GPHN: variants seen among roughly 807,000 people sequenced by gnomAD.
GPHN encodes gephyrin.
A neutral mutation model predicts 95.5 loss-of-function variants in GPHN; 17 were observed. That is an observed-to-expected ratio of 0.18 (90% confidence interval 0.12 to 0.27). GPHN has a LOEUF of 0.27. GPHN is among the 10% of genes least tolerant of loss of function. The pLI is 1.00. For synonymous variants in GPHN, 320 were observed against 322.5 expected (o/e 0.99, Z 0.08); for missense variants, 660 against 978.1 (o/e 0.67, Z 4.34).
chr14:66,917,143 C>T (rs186167184), intron 6 of GPHN, among the ~76,000 whole-genome samples: 163 of 152,324 alleles, frequency 1.1e-3, no homozygotes, highest in Middle Eastern at 3.4e-3. Context: ...AAGTGCATTT[C>T]TTCCTCAGGC....
the GPHN span, among the ~76,000 whole-genome samples, chr14:67,695,249 AG>A: frequency 1.3e-5 from 2 of 152,188 alleles, no homozygotes; most frequent in African/African-American, 4.8e-5. Context: ...TGTACCTCGA[AG>A]GCTGGTTTAA....
chr14:67,193,763 G>A, the GPHN span, among the ~76,000 whole-genome samples: 157 of 137,200 alleles, frequency 1.1e-3, no homozygotes, highest in African/African-American at 3.9e-3. Flanking sequence ...GGCAACACAG[G>A]AAGACCCAAT....
At chr14:66,997,570 C>T (rs1159987425) in intron 9 of GPHN, among the ~76,000 whole-genome samples, 2 of 152,090 alleles carry the variant, frequency 1.3e-5, no homozygotes. Flanking sequence ...AAAGATAGTA[C>T]TGTTTAAAAT....
Position 66,875,788 on chromosome 14 carries a change from C to G in GPHN, c.295-4151C>G, listed in dbSNP as rs1231344265. Among the ~76,000 whole-genome samples, 4 of 152,176 alleles carry G rather than the reference C, an allele frequency of 2.6e-5. No individual in the cohort carries two copies. In the East Asian group the frequency reaches 7.7e-4, roughly 29 times the overall value. The stretch of plus-strand genomic sequence containing the variant: ...GAGACCTGCAAAGAGACTTAGACTC[C>G]CACACAATAATAGTGGGAGACTTTA... On this transcript the variant is annotated intron_variant, in intron 4 of 22. Coordinates refer to ENST00000478722, the MANE Select transcript of GPHN (RefSeq NM_020806.5).
chr14:67,557,398 G>C, the GPHN span: 7 of 1,613,600 alleles, frequency 4.3e-6, no homozygotes, highest in South Asian at 5.5e-5. Flanking sequence ...CAGCCAGCTA[G>C]AGGCTCAGCT....
the GPHN span, among the ~76,000 whole-genome samples, chr14:67,445,279 T>A: frequency 6.6e-6 from 1 of 151,942 alleles, no homozygotes; most frequent in Non-Finnish European, 1.5e-5. Flanking sequence ...CAGGCAAAAG[T>A]GTGGGTGTCC....
At chr14:67,201,635 T>G in the GPHN span, 1 of 427,130 alleles carries the variant, frequency 2.3e-6, no homozygotes, top group African/African-American at 2.0e-5. Context: ...GAACCACCAC[T>G]ACCCATTTAA....
intron 1 of GPHN, among the ~76,000 whole-genome samples, chr14:66,518,228 A>G (rs1594794207): frequency 2.0e-5 from 3 of 152,260 alleles, no homozygotes; most frequent in East Asian, 1.9e-4. Context: ...CAAAAAATAC[A>G]TTAAACAATG....
At chr14:67,656,333 C>G in the GPHN span, 1 of 1,318,918 alleles carries the variant, frequency 7.6e-7, no homozygotes, top group East Asian at 2.5e-5. Context: ...ACTGCTGTAG[C>G]TTTTGGCCTT....
chr14:66,835,328 G>C (rs1041962262), intron 4 of GPHN, among the ~76,000 whole-genome samples: 8 of 151,254 alleles, frequency 5.3e-5, no homozygotes, highest in Non-Finnish European at 8.8e-5. Flanking sequence ...TGCTTTTCTA[G>C]TTCTTTTAAT....
intron 2 of GPHN, among the ~76,000 whole-genome samples, chr14:66,762,634 TG>T (rs1468160772): frequency 6.6e-6 from 1 of 151,984 alleles, no homozygotes; most frequent in Non-Finnish European, 1.5e-5. Context: ...TTCATAACCT[TG>T]AGCAAGTTAA....
chr14:67,603,459 A>G, the GPHN span, among the ~76,000 whole-genome samples: 1 of 152,212 alleles, frequency 6.6e-6, no homozygotes, highest in African/African-American at 2.4e-5. Context: ...ATTATTAGGA[A>G]TAAATACTGT....
chr14:67,466,916 A>G, the GPHN span, among the ~76,000 whole-genome samples: 18 of 146,604 alleles, frequency 1.2e-4, no homozygotes, highest in African/African-American at 4.0e-4. Context: ...AATCACCTGA[A>G]CCCGGGAGGT....
intron 1 of GPHN, among the ~76,000 whole-genome samples, chr14:66,655,271 C>A (rs902317193): frequency 2.6e-5 from 4 of 152,042 alleles, no homozygotes; most frequent in Admixed American, 2.6e-4. Flanking sequence ...TTTATTAGAT[C>A]TTTGATACCT....
rs2066703415 is a variant in GPHN at position 66,930,045 on chromosome 14, T to C, written c.828+5753T>C. ...TGTTTTTATAAGTGAAGTGTGTTTC[T>C]TGTGACCAACAGATTGTTAGGTCTT... is the stretch of plus-strand genomic sequence containing the variant. On this transcript the variant is annotated intron_variant, in intron 8 of 22. Transcript: ENST00000478722. 5.9e-5 allele frequency among the ~76,000 whole-genome samples: 9 copies of C among 152,182 alleles called. No individual in the cohort carries two copies. In the South Asian group the frequency reaches 1.7e-3, roughly 28 times the overall value.
chr14:67,599,881 C>G, the GPHN span: 1 of 640,946 alleles, frequency 1.6e-6, no homozygotes, highest in Admixed American at 3.2e-5. Context: ...AATATCGTCC[C>G]CAGAACCCGT....
At chr14:67,199,975 A>T in the GPHN span, 11 of 1,145,592 alleles carry the variant, frequency 9.6e-6, no homozygotes, top group Non-Finnish European at 1.4e-5. Flanking sequence ...CCATCCAGGG[A>T]TGTCTCAGAT....
the GPHN span, among the ~76,000 whole-genome samples, chr14:67,697,383 G>A: frequency 2.0e-4 from 30 of 152,144 alleles, no homozygotes; most frequent in Non-Finnish European, 4.1e-4. Flanking sequence ...GCTGAGCAGA[G>A]GAAAGACCCC....
At chr14:67,020,544 T>A (rs1419830121) in intron 9 of GPHN, among the ~76,000 whole-genome samples, 1 of 152,202 alleles carries the variant, frequency 6.6e-6, no homozygotes, top group Non-Finnish European at 1.5e-5. Context: ...CGATGTGATC[T>A]TCAGCAAAAA....
Sources: gnomAD v4.1 joint callset for allele counts (sites outside exome capture counted in the v4.1 genomes callset) on GRCh38, gnomAD v4.1.1 for gene constraint, MANE v1.5 for transcripts, NCBI Gene and HGNC (gene_info 2026-07-23, HGNC 2026-07-21) for gene names.